The following ANKRD30A variants were observed in gnomAD, a reference collection of about 807,000 sequenced individuals.
ANKRD30A encodes ankyrin repeat domain-containing protein 30A.
A neutral mutation model predicts 166.3 loss-of-function variants in ANKRD30A; 170 were observed. That is an observed-to-expected ratio of 1.02 (90% CI 0.90 to 1.16). The LOEUF (loss-of-function observed/expected upper bound fraction) is 1.16, where lower values mean the gene tolerates loss of function less well. Ranked by LOEUF, ANKRD30A falls within the 50% of genes most tolerant of loss-of-function variation. The pLI is 0.00. For missense variants in ANKRD30A, 1,630 were observed against 1,518.0 expected, an observed-to-expected ratio of 1.07 and a Z score of -1.23; for synonymous variants, 564 against 508.9, an observed-to-expected ratio of 1.11 and a Z score of -1.46.
chr10:37,158,555 A>G lies in ANKRD30A; in HGVS notation c.1869A>G (p.Leu623=). The part of the protein sequence containing the change: ...GMKVSIPTKA[L]ELKDMQTFKA... ...AAGTTTCTATTCCAACTAAAGCCTT[A>G]GAATTGAAGGACATGCAAACTTTCA... The change falls in exon 15 of 36, where the codon TTA becomes TTG. Residue 623 remains leucine, a synonymous_variant. Coordinates refer to ENST00000361713, the MANE Select transcript of ANKRD30A (RefSeq NM_052997.3). 6.2e-7 allele frequency: 1 copy of G among 1,613,492 alleles called. No individual in the cohort carries two copies. The highest frequency in any genetic ancestry group is 8.5e-7 in the Non-Finnish European group (1 of 1,179,706).
chr10:37,178,825 G>T lies in ANKRD30A; in HGVS notation c.2421+2607G>T, dbSNP rs374731785. On this transcript the variant is annotated intron_variant, in intron 24 of 35. Coordinates refer to ENST00000361713, the MANE Select transcript of ANKRD30A (RefSeq NM_052997.3). ...GCAGGAAGCAGGGGACAAGAGAGAAGCCAGCTAGATGATTTTGGATTTTCT... is the reference window on the plus strand; with the variant it reads ...GCAGGAAGCAGGGGACAAGAGAGAATCCAGCTAGATGATTTTGGATTTTCT... Among the ~76,000 whole-genome samples, 231 of 150,652 alleles carry T rather than the reference G, an allele frequency of 1.5e-3. 1 individual carries two copies. Among genetic ancestry groups the T allele is most frequent in the South Asian group, 8.5e-3 (39 of 4,576 alleles).
chr10:37,216,512 T>G, intron 32 of ANKRD30A, 118 bp downstream of exon 32: 1 of 935,016 alleles, frequency 1.1e-6, no homozygotes, highest in East Asian at 2.7e-5. Flanking sequence ...AATGTCTGTC[T>G]TGTAGAGTGT....
chr10:37,153,495 TTTAA>T, intron 12 of ANKRD30A, 73 bp from the exon 13 acceptor site: 3 of 1,578,454 alleles, frequency 1.9e-6, no homozygotes, highest in Non-Finnish European at 2.6e-6. Context: ...TAAAAAAGAA[TTTAA>T]TTAGGAAATT....
chr10:37,193,717 CTT>C (rs1279584068), intron 27 of ANKRD30A, among the ~76,000 whole-genome samples: 1 of 151,822 alleles, frequency 6.6e-6, no homozygotes, highest in African/African-American at 2.4e-5. Context: ...GTTTGTGTGA[CTT>C]ATAATTTTAA....
At chr10:37,153,175 T>G (rs1440713391) in intron 12 of ANKRD30A, among the ~76,000 whole-genome samples, 1 of 152,180 alleles carries the variant, frequency 6.6e-6, no homozygotes, top group African/African-American at 2.4e-5. Context: ...TTTAAATGTT[T>G]AATGCTGTAT....
chr10:37,254,146 T>C, the ANKRD30A span, among the ~76,000 whole-genome samples: 1 of 152,212 alleles, frequency 6.6e-6, no homozygotes, highest in Non-Finnish European at 1.5e-5. Flanking sequence ...AGGCTATTAT[T>C]AATAATTATG....
At chr10:37,250,383 A>G in the ANKRD30A span, among the ~76,000 whole-genome samples, 2 of 151,884 alleles carry the variant, frequency 1.3e-5, no homozygotes, top group Non-Finnish European at 2.9e-5. Flanking sequence ...GAGGCATAGG[A>G]CCTGAGTTGT....
At chr10:37,144,311 A>G (rs1837354776) in intron 7 of ANKRD30A, among the ~76,000 whole-genome samples, 1 of 152,180 alleles carries the variant, frequency 6.6e-6, no homozygotes, top group Non-Finnish European at 1.5e-5. Context: ...ACTTAAGGCA[A>G]TTGTTTTTCC....
intron 34 of ANKRD30A, among the ~76,000 whole-genome samples, 177 bp downstream of exon 34, chr10:37,220,074 G>A (rs1380571668): frequency 2.1e-5 from 3 of 142,798 alleles, no homozygotes; most frequent in Admixed American, 7.2e-5. Flanking sequence ...TACTATATCA[G>A]CTTAGAAACA....
chr10:37,258,350 G>T, the ANKRD30A span, among the ~76,000 whole-genome samples: 1 of 152,024 alleles, frequency 6.6e-6, no homozygotes, highest in African/African-American at 2.4e-5. Flanking sequence ...TTCTGAAGAA[G>T]AACAGAGCTC....
intron 32 of ANKRD30A, among the ~76,000 whole-genome samples, chr10:37,217,115 A>G (rs1007879393): frequency 6.6e-6 from 1 of 151,060 alleles, no homozygotes; most frequent in African/African-American, 2.4e-5. Context: ...GATAAAATAT[A>G]TAATAATCAA....
chr10:37,160,520 A>C (rs796596206), intron 15 of ANKRD30A, among the ~76,000 whole-genome samples: 1 of 152,212 alleles, frequency 6.6e-6, no homozygotes, highest in Non-Finnish European at 1.5e-5. Context: ...TCAAAAATGC[A>C]TAAGGTTCTA....
At chr10:37,131,671 G>A (rs1206161889) in intron 3 of ANKRD30A, among the ~76,000 whole-genome samples, 6 of 152,134 alleles carry the variant, frequency 3.9e-5, no homozygotes, top group Admixed American at 3.9e-4. Context: ...TTGTATCCCT[G>A]AAATTCTAAT....
the ANKRD30A span, among the ~76,000 whole-genome samples, chr10:37,261,122 T>C: frequency 2.6e-4 from 39 of 152,320 alleles, no homozygotes; most frequent in Non-Finnish European, 5.0e-4. Context: ...AAAAATAGGC[T>C]CTGACCCCTC....
rs773270304 is a variant in ANKRD30A, at chr10:37,133,945, G to T, written c.647G>T (p.Gly216Val). The T allele has an allele frequency of 6.2e-7, 1 of 1,614,042 alleles. No homozygotes were observed. The highest frequency in any genetic ancestry group is 8.5e-7 in the Non-Finnish European group (1 of 1,179,952). ...GCCCTCATGCTTGCTGTATGTCATG[G>T]ATCATCAGAGATAGTTGGCATGCTT... The part of the protein sequence containing the change: ...CTALMLAVCH[G>V]SSEIVGMLLQ... The change falls in exon 5 of 36, where the codon GGA (glycine) becomes GTA (valine). Residue 216 changes from glycine to valine, a missense_variant. Around this residue, in one of 4 missense-constraint regions of ANKRD30A, gnomAD observed 904 missense variants for 818.5 expected, o/e 1.10. Transcript: ENST00000361713.
intron 11 of ANKRD30A, among the ~76,000 whole-genome samples, chr10:37,150,231 G>A (rs969324444): frequency 1.3e-5 from 2 of 151,880 alleles, no homozygotes; most frequent in Non-Finnish European, 2.9e-5. Flanking sequence ...TATAACACTT[G>A]TGTTTTAATA....
chr10:37,197,562 T>G, intron 29 of ANKRD30A, 82 bp downstream of exon 29: 1 of 1,593,362 alleles, frequency 6.3e-7, no homozygotes, highest in Non-Finnish European at 8.6e-7. Flanking sequence ...CAATGCTTTA[T>G]TTTTTTCAAC....
At chr10:37,167,038 T>C (rs1839408185) in intron 19 of ANKRD30A, among the ~76,000 whole-genome samples, 1 of 151,990 alleles carries the variant, frequency 6.6e-6, no homozygotes, top group African/African-American at 2.4e-5. Flanking sequence ...GTTTATGTAA[T>C]GGAGGATGAT....
At chr10:37,147,975 A>C in intron 9 of ANKRD30A, among the ~76,000 whole-genome samples, 1 of 152,240 alleles carries the variant, frequency 6.6e-6, no homozygotes, top group East Asian at 1.9e-4. Context: ...TTATCTGAGC[A>C]TGCAGAATTG....
Sources: gnomAD v4.1 joint callset for allele counts (sites outside exome capture counted in the v4.1 genomes callset) on GRCh38, gnomAD v4.1.1 for gene constraint, gnomAD v4.1.1 regional missense constraint, MANE v1.5 for transcripts, NCBI Gene and HGNC (gene_info 2026-07-23, HGNC 2026-07-21) for gene names.